The following NCKAP5 variants were observed in gnomAD, a reference collection of about 807,000 sequenced individuals.
NCKAP5 encodes nck-associated protein 5.
NCKAP5 carries 92 observed loss-of-function variants against 167.0 expected under a neutral mutation model. The observed-to-expected ratio is 0.55, with a 90% CI of 0.47 to 0.66. NCKAP5 has a LOEUF of 0.66. Among genes scored for constraint, NCKAP5 ranks in the 30% least tolerant of loss-of-function variants. The pLI is 0.00. For synonymous variants in NCKAP5, 891 were observed against 877.4 expected (o/e 1.02, Z -0.27); for missense variants, 2,378 against 2,315.0 (o/e 1.03, Z -0.56).
At chr2:133,052,776 A>G (rs1051509193) in intron 6 of NCKAP5, among the ~76,000 whole-genome samples, 1 of 152,068 alleles carries the variant, frequency 6.6e-6, no homozygotes, top group African/African-American at 2.4e-5. Flanking sequence ...TCTCAGTATG[A>G]AAAAGGTCTC....
At chr2:133,619,420 G>A in the NCKAP5 span, among the ~76,000 whole-genome samples, 1 of 151,806 alleles carries the variant, frequency 6.6e-6, no homozygotes, top group African/African-American at 2.4e-5. Flanking sequence ...GAAAGTCAAG[G>A]ATACACTTAG....
At position 132,970,096 on chromosome 2, in the gene NCKAP5, C is replaced by T. The variant is rs955582876; in HGVS notation, c.430-6227G>A. 3.3e-5 allele frequency among the ~76,000 whole-genome samples: 5 copies of T among 152,086 alleles called. No individual in the cohort carries two copies. In the South Asian group the frequency reaches 1.0e-3, roughly 32 times the overall value. On this transcript the variant is annotated intron_variant, in intron 7 of 19. Coordinates refer to ENST00000409261, the MANE Select transcript of NCKAP5 (RefSeq NM_207363.3). ...GGAGAGAAACGTGGCTATACCCTAT[C>T]CACAGATCACCATAGTCCATTTTAG...
At chr2:132,691,889 G>C (rs1686776894) in intron 19 of NCKAP5, among the ~76,000 whole-genome samples, 1 of 152,116 alleles carries the variant, frequency 6.6e-6, no homozygotes, top group Admixed American at 6.6e-5. Flanking sequence ...CTATTAGTCT[G>C]TAAGAGAGAG....
chr2:133,591,779 G>T, the NCKAP5 span, among the ~76,000 whole-genome samples: 2 of 152,172 alleles, frequency 1.3e-5, no homozygotes, highest in African/African-American at 4.8e-5. Context: ...TTCTTTCACA[G>T]AAGCAGTCCC....
At chr2:132,887,382 T>TCCATCCAG (rs1262969285) in intron 8 of NCKAP5, among the ~76,000 whole-genome samples, 1 of 151,656 alleles carries the variant, frequency 6.6e-6, no homozygotes, top group Non-Finnish European at 1.5e-5. Context: ...CATCCATCCA[T>TCCATCCAG]CCATCCATCC....
At chr2:133,030,192 C>T (rs1230750278) in intron 6 of NCKAP5, among the ~76,000 whole-genome samples, 4 of 152,158 alleles carry the variant, frequency 2.6e-5, no homozygotes. Context: ...ATCACAGAAT[C>T]AGAAAATTAA....
chr2:132,798,986 A>C (rs544446537), intron 11 of NCKAP5, among the ~76,000 whole-genome samples: 1 of 152,322 alleles, frequency 6.6e-6, no homozygotes, highest in Admixed American at 6.5e-5. Context: ...ACAGTAGCAA[A>C]GACACGGAAT....
At chr2:132,859,127 C>T (rs1239379030) in intron 11 of NCKAP5, among the ~76,000 whole-genome samples, 1 of 152,096 alleles carries the variant, frequency 6.6e-6, no homozygotes, top group Admixed American at 6.6e-5. Flanking sequence ...GCTCCCACCC[C>T]ACAAAATTTT....
At chr2:133,466,001 T>C (rs1380972980) in intron 3 of NCKAP5, among the ~76,000 whole-genome samples, 8 of 151,942 alleles carry the variant, frequency 5.3e-5, no homozygotes, top group East Asian at 1.9e-4. Context: ...TGTGCAGAAG[T>C]TCTTTAGTTT....
intron 19 of NCKAP5, among the ~76,000 whole-genome samples, chr2:132,694,103 T>TTTTTTTTA (rs1553473342): frequency 4.8e-5 from 7 of 147,040 alleles, no homozygotes; most frequent in African/African-American, 1.0e-4. Context: ...GTTTTAAGTG[T>TTTTTTTTA]TTTATTTATT....
chr2:133,242,959 T>C (rs1356731141), intron 4 of NCKAP5, among the ~76,000 whole-genome samples: 4 of 152,214 alleles, frequency 2.6e-5, no homozygotes, highest in Non-Finnish European at 5.9e-5. Flanking sequence ...GTACAGTTTA[T>C]GTCACAAAAT....
chr2:133,278,631 T>A (rs1307478184), intron 4 of NCKAP5, among the ~76,000 whole-genome samples: 1 of 152,132 alleles, frequency 6.6e-6, no homozygotes, highest in Non-Finnish European at 1.5e-5. Context: ...TATTTTTTTG[T>A]GGGTAATTAT....
At chr2:133,379,704 G>A (rs1163505853) in intron 3 of NCKAP5, among the ~76,000 whole-genome samples, 1 of 151,982 alleles carries the variant, frequency 6.6e-6, no homozygotes. Context: ...AAACACTTGT[G>A]GAATCAATGA....
At chr2:133,419,485 T>C (rs764820670) in intron 3 of NCKAP5, among the ~76,000 whole-genome samples, 1 of 152,226 alleles carries the variant, frequency 6.6e-6, no homozygotes, top group Non-Finnish European at 1.5e-5. Context: ...AGGTGAGCCA[T>C]GTACCTACAT....
At chr2:133,552,452 G>T (rs1687402590) in intron 2 of NCKAP5, among the ~76,000 whole-genome samples, 2 of 147,290 alleles carry the variant, frequency 1.4e-5, no homozygotes, top group Non-Finnish European at 3.0e-5. Context: ...GTAGCGACAT[G>T]GATGAAATTG....
upstream of NCKAP5, among the ~76,000 whole-genome samples, chr2:133,569,204 C>G (rs999073006): frequency 1.3e-5 from 2 of 152,004 alleles, no homozygotes; most frequent in African/African-American, 4.8e-5. Context: ...TGGGCCTTTT[C>G]TCCCCTATTT....
At chr2:133,252,769 G>A (rs76334852) in intron 4 of NCKAP5, among the ~76,000 whole-genome samples, 13 of 152,182 alleles carry the variant, frequency 8.5e-5, no homozygotes, top group African/African-American at 3.1e-4. Context: ...CCAAAAATAG[G>A]GTCTACAAGG....
chr2:133,470,570 C>A (rs1317729681), intron 3 of NCKAP5, among the ~76,000 whole-genome samples: 3 of 152,238 alleles, frequency 2.0e-5, no homozygotes, highest in Non-Finnish European at 4.4e-5. Context: ...CTTTGTTTAC[C>A]TAATCAAGGC....
chr2:132,776,688 G>T (rs1174290550), intron 15 of NCKAP5, among the ~76,000 whole-genome samples: 1 of 152,130 alleles, frequency 6.6e-6, no homozygotes, highest in East Asian at 1.9e-4. Flanking sequence ...ATGCAAAGTG[G>T]TGAGTAATTA....
Sources: gnomAD v4.1 joint callset for allele counts (sites outside exome capture counted in the v4.1 genomes callset) on GRCh38, gnomAD v4.1.1 for gene constraint, MANE v1.5 for transcripts, NCBI Gene and HGNC (gene_info 2026-07-23, HGNC 2026-07-21) for gene names.